ST6GALNAC3: variants seen among roughly 807,000 people sequenced by gnomAD.
ST6GALNAC3 encodes ST6 N-acetylgalactosaminide alpha-2,6-sialyltransferase 3, also known as alpha-N-acetylgalactosaminide alpha-2,6-sialyltransferase 3.
A neutral mutation model predicts 32.7 loss-of-function variants in ST6GALNAC3; 25 were observed. The observed-to-expected ratio is 0.76, with a 90% CI of 0.56 to 1.07. The LOEUF (loss-of-function observed/expected upper bound fraction) is 1.07, where lower values mean the gene tolerates loss of function less well. Ranked by LOEUF, ST6GALNAC3 falls within the 50% of genes least tolerant of loss-of-function variation. The probability of loss-of-function intolerance (pLI) is 0.00; values close to 1 mark genes in which losing one functional copy is unlikely to be tolerated. For synonymous variants in ST6GALNAC3, 129 were observed against 133.1 expected (o/e 0.97, Z 0.21); for missense variants, 355 against 382.4 (o/e 0.93, Z 0.60).
At chr1:76,444,950 G>A (rs1224969675) in intron 3 of ST6GALNAC3, among the ~76,000 whole-genome samples, 1 of 152,028 alleles carries the variant, frequency 6.6e-6, no homozygotes, top group Non-Finnish European at 1.5e-5. Flanking sequence ...TTAATCAAAG[G>A]CATATAAAAA....
At chr1:76,466,389 C>G (rs1368116639) in intron 3 of ST6GALNAC3, among the ~76,000 whole-genome samples, 2 of 152,020 alleles carry the variant, frequency 1.3e-5, no homozygotes, top group Admixed American at 1.3e-4. Context: ...CTGCACATAG[C>G]TCCCTAGGGT....
At chr1:76,189,069 G>A (rs1401576357) in intron 1 of ST6GALNAC3, among the ~76,000 whole-genome samples, 1 of 152,206 alleles carries the variant, frequency 6.6e-6, no homozygotes, top group African/African-American at 2.4e-5. Context: ...CAGCAGGCCT[G>A]GAGCCAGTCT....
chr1:76,390,728 G>T (rs1478546775), intron 2 of ST6GALNAC3, among the ~76,000 whole-genome samples: 1 of 152,020 alleles, frequency 6.6e-6, no homozygotes, highest in African/African-American at 2.4e-5. Context: ...CAAGAAAACA[G>T]AAACCTGTCT....
chr1:76,231,753 G>T (rs1427888682), intron 1 of ST6GALNAC3, among the ~76,000 whole-genome samples: 1 of 152,120 alleles, frequency 6.6e-6, no homozygotes, highest in East Asian at 1.9e-4. Flanking sequence ...GTGGACACTT[G>T]TGTTGCCTTT....
At chr1:76,439,343 A>G (rs1330060011) in intron 3 of ST6GALNAC3, among the ~76,000 whole-genome samples, 1 of 152,164 alleles carries the variant, frequency 6.6e-6, no homozygotes, top group Non-Finnish European at 1.5e-5. Context: ...GAGGCTCTTA[A>G]CTCTCCCTAA....
chr1:76,293,364 C>G (rs776384863), intron 1 of ST6GALNAC3, among the ~76,000 whole-genome samples: 2 of 152,198 alleles, frequency 1.3e-5, no homozygotes, highest in Non-Finnish European at 2.9e-5. Flanking sequence ...TCATCTCTCC[C>G]TATGCTGGCA....
rs781055853 is a variant in ST6GALNAC3, at chr1:76,628,604, T to G, written c.732-16T>G. The G allele has an allele frequency of 1.5e-5, 24 of 1,562,484 alleles. No homozygotes were observed. The highest frequency in any genetic ancestry group is 2.0e-5 in the Non-Finnish European group (23 of 1,163,156). ...ATCTCAATCTTTCTCTCCTTTTCTT[T>G]TTTTTTCTTTTCTAGGACAGAAGGG... On this transcript the variant is annotated splice_polypyrimidine_tract_variant and intron_variant, in intron 4 of 4. Transcript: ENST00000328299.
At position 76,632,050 on chromosome 1, in the gene ST6GALNAC3, G is replaced by T. The variant is rs1198454612; in HGVS notation, c.*3244G>T. Reference sequence around the variant, plus strand: ...GTATATATGCACATAGAGTCTATTTGTGTGTGTGTGAACGCACATATATAT... The same window carrying T: ...GTATATATGCACATAGAGTCTATTTTTGTGTGTGTGAACGCACATATATAT... On this transcript the variant is annotated 3_prime_UTR_variant, in exon 5 of 5. Coordinates refer to ENST00000328299, the MANE Select transcript of ST6GALNAC3 (RefSeq NM_152996.4). 6.6e-6 allele frequency: 1 copy of T among 151,798 alleles called. No individual in the cohort carries two copies. Among genetic ancestry groups the T allele is most frequent in the Non-Finnish European group, 1.5e-5 (1 of 67,918 alleles). 9.4% of individuals were successfully genotyped at this position (151,798 alleles called of 1,614,324 possible). A position where few individuals can be genotyped will look rare whatever the true frequency, so the allele number is the denominator to read the frequency against.
intron 3 of ST6GALNAC3, among the ~76,000 whole-genome samples, chr1:76,609,096 C>T (rs1319301609): frequency 6.6e-6 from 1 of 152,140 alleles, no homozygotes; most frequent in Non-Finnish European, 1.5e-5. Context: ...CTTGAGAAAA[C>T]TATTTGTTTT....
At chr1:76,460,899 T>A (rs915277623) in intron 3 of ST6GALNAC3, among the ~76,000 whole-genome samples, 1 of 152,280 alleles carries the variant, frequency 6.6e-6, no homozygotes, top group Non-Finnish European at 1.5e-5. Flanking sequence ...GACTAAGAAT[T>A]TCTGATTTTA....
At chr1:76,288,319 G>C (rs1342900541) in intron 1 of ST6GALNAC3, among the ~76,000 whole-genome samples, 1 of 152,130 alleles carries the variant, frequency 6.6e-6, no homozygotes, top group Non-Finnish European at 1.5e-5. Flanking sequence ...TTTTCCTGCA[G>C]AGTGAAAAAA....
intron 1 of ST6GALNAC3, among the ~76,000 whole-genome samples, chr1:76,182,591 A>G (rs1365897672): frequency 6.6e-6 from 1 of 152,120 alleles, no homozygotes; most frequent in East Asian, 1.9e-4. Flanking sequence ...AGTTACTCAA[A>G]TGAATTGCTG....
rs1653764356 is a variant in ST6GALNAC3 at position 76,405,527 on chromosome 1, G to A, written c.214-6481G>A. On this transcript the variant is annotated intron_variant, in intron 2 of 4. Coordinates refer to ENST00000328299, the MANE Select transcript of ST6GALNAC3 (RefSeq NM_152996.4). ...AAGGGATGGTTTTCCCAGGGTGGTT[G>A]GTAAGGATGAAACTGGCCTAGGAGA... Among the ~76,000 whole-genome samples, 5 of 151,916 alleles carry A rather than the reference G, an allele frequency of 3.3e-5. No homozygotes were observed. The South Asian group carries it at 1.0e-3, about 31-fold the overall frequency.
At chr1:76,358,620 C>T (rs1163639806) in intron 2 of ST6GALNAC3, among the ~76,000 whole-genome samples, 1 of 152,168 alleles carries the variant, frequency 6.6e-6, no homozygotes, top group African/African-American at 2.4e-5. Flanking sequence ...GCCTCCTCCA[C>T]TCTGTTCTTC....
At chr1:76,535,409 C>T (rs1343822891) in intron 3 of ST6GALNAC3, among the ~76,000 whole-genome samples, 1 of 152,132 alleles carries the variant, frequency 6.6e-6, no homozygotes, top group African/African-American at 2.4e-5. Context: ...AATCACAAGA[C>T]ACATTCTGAT....
chr1:76,166,327 T>A (rs1173424471), intron 1 of ST6GALNAC3, among the ~76,000 whole-genome samples: 1 of 152,156 alleles, frequency 6.6e-6, no homozygotes, highest in African/African-American at 2.4e-5. Flanking sequence ...ATGGCCTTAT[T>A]TCTGGGTTCT....
intron 3 of ST6GALNAC3, among the ~76,000 whole-genome samples, chr1:76,588,048 T>C (rs1027273643): frequency 2.0e-5 from 3 of 152,176 alleles, no homozygotes; most frequent in Admixed American, 6.5e-5. Flanking sequence ...TTTCTTCTTT[T>C]CCATTTTTAC....
At chr1:76,532,079 C>A (rs562804293) in intron 3 of ST6GALNAC3, among the ~76,000 whole-genome samples, 21 of 152,280 alleles carry the variant, frequency 1.4e-4, no homozygotes, top group African/African-American at 5.1e-4. Flanking sequence ...TCATATCTGA[C>A]CCCAAATTAT....
chr1:76,267,244 C>T (rs550003473), intron 1 of ST6GALNAC3, among the ~76,000 whole-genome samples: 87 of 152,284 alleles, frequency 5.7e-4, no homozygotes, highest in South Asian at 3.9e-3. Flanking sequence ...TCATGGAACT[C>T]TCTGTCTCCT....
Sources: allele counts gnomAD v4.1 joint callset (sites outside exome capture counted in the v4.1 genomes callset), GRCh38; gene constraint gnomAD v4.1.1; transcripts MANE v1.5; gene names NCBI Gene and HGNC (gene_info 2026-07-23, HGNC 2026-07-21).